Variants in PDGFRL observed in about 807,000 individuals in gnomAD.
PDGFRL encodes the protein platelet derived growth factor receptor like.
A neutral mutation model predicts 37.2 loss-of-function variants in PDGFRL; 46 were observed. That is an observed-to-expected ratio of 1.24 (90% CI 0.98 to 1.58). The LOEUF is 1.58. PDGFRL is among the 40% of genes most tolerant of loss of function. The pLI, the probability that PDGFRL is intolerant of heterozygous loss-of-function variation, is 0.00. For synonymous variants in PDGFRL, 251 were observed against 184.3 expected (o/e 1.36, Z -2.93); for missense variants, 692 against 467.6 (o/e 1.48, Z -4.43).
chr8:17,593,613 T>A lies in PDGFRL; in HGVS notation c.353+3848T>A, dbSNP rs1182521257. ...GACTGTTTCAAAAAAAAAAAAAAAA[T>A]TCTTGGCATAGTGACTCATGCCTGT... On this transcript the variant is annotated intron_variant, in intron 2 of 5. Coordinates refer to ENST00000251630, the MANE Select transcript of PDGFRL (RefSeq NM_001372073.1). 1.9e-4 allele frequency among the ~76,000 whole-genome samples: 26 copies of A among 139,258 alleles called. No individual in the cohort carries two copies. The East Asian group carries it at 5.6e-3, about 30-fold the overall frequency. 91.4% of individuals were successfully genotyped at this position (139,258 alleles called of 152,430 possible).
chr8:17,628,542 C>T lies in PDGFRL; in HGVS notation c.561C>T (p.Asn187=), dbSNP rs757618037. 4 of 1,613,788 alleles carry T rather than the reference C, an allele frequency of 2.5e-6. No homozygotes were observed. The highest frequency in any genetic ancestry group is 2.2e-5 in the South Asian group (2 of 91,076). ...SPSYFDVVYL[N]PDRQAVVPCR... ...GCTACTTCGATGTTGTCTACTTGAA[C>T]CCGGACAGACAGGCTGTGGTTCCTT... Residue 187 remains asparagine, a synonymous_variant, in exon 4 of 6, where the codon AAC becomes AAT. Transcript: ENST00000251630.
chr8:17,628,028 C>T (rs1217179242), intron 3 of PDGFRL, among the ~76,000 whole-genome samples: 1 of 117,036 alleles, frequency 8.5e-6, no homozygotes, highest in Admixed American at 1.2e-4. Flanking sequence ...GAGTCTGGCT[C>T]TGTCGCCCAG....
chr8:17,622,358 C>A (rs957017169), intron 3 of PDGFRL, among the ~76,000 whole-genome samples: 7 of 152,146 alleles, frequency 4.6e-5, no homozygotes, highest in African/African-American at 7.2e-5. Flanking sequence ...TGGGCAGGGA[C>A]TTTCATGAAA....
chr8:17,613,626 C>G (rs1400953319), intron 2 of PDGFRL, among the ~76,000 whole-genome samples: 2 of 152,160 alleles, frequency 1.3e-5, no homozygotes, highest in African/African-American at 2.4e-5. Flanking sequence ...GCCTGTAATC[C>G]CAGCACTTTG....
intron 4 of PDGFRL, among the ~76,000 whole-genome samples, 182 bp downstream of exon 4, chr8:17,628,962 G>T (rs1804798374): frequency 6.6e-6 from 1 of 151,952 alleles, no homozygotes; most frequent in South Asian, 2.1e-4. Context: ...TGTTGCCCAG[G>T]CTGGAATGCA....
chr8:17,579,180 A>C (rs1803653864), intron 1 of PDGFRL, among the ~76,000 whole-genome samples: 1 of 152,212 alleles, frequency 6.6e-6, no homozygotes, highest in Admixed American at 6.5e-5. Context: ...TGGGCGACAA[A>C]GTGAGACTCC....
Position 17,598,821 on chromosome 8 carries a change from G to A in PDGFRL, c.353+9056G>A, listed in dbSNP as rs761958818. ...ATACTGTTCTCATGGTAGTTAATAC[G>A]TCTCACGAGATCACATGGTTTTCTA... On this transcript the variant is annotated intron_variant, in intron 2 of 5. Coordinates refer to ENST00000251630, the MANE Select transcript of PDGFRL (RefSeq NM_001372073.1). 5.9e-5 allele frequency among the ~76,000 whole-genome samples: 9 copies of A among 152,174 alleles called. No individual in the cohort carries two copies. In the South Asian group the frequency reaches 8.3e-4, roughly 14 times the overall value.
At chr8:17,590,206 G>A (rs543536904) in intron 2 of PDGFRL, among the ~76,000 whole-genome samples, 5 of 89,642 alleles carry the variant, frequency 5.6e-5, no homozygotes, top group African/African-American at 1.7e-4. Context: ...ACTCCATCCA[G>A]CCTGGGTGAC....
chr8:17,624,801 G>A (rs1804700347), intron 3 of PDGFRL, among the ~76,000 whole-genome samples: 2 of 152,164 alleles, frequency 1.3e-5, no homozygotes, highest in East Asian at 1.9e-4. Context: ...CCAGCTACTC[G>A]GGAGGCTGAG....
intron 2 of PDGFRL, chr8:17,596,367 C>T (rs551071687): frequency 2.5e-5 from 31 of 1,216,440 alleles, no homozygotes; most frequent in East Asian, 1.5e-4. Context: ...CCCGCAGGAC[C>T]GGCCCTGCCT....
chr8:17,586,251 G>T (rs374886176), intron 1 of PDGFRL, among the ~76,000 whole-genome samples: 61 of 152,302 alleles, frequency 4.0e-4, no homozygotes, highest in African/African-American at 1.3e-3. Context: ...GCTGCACCCA[G>T]CTGGAGATGA....
At chr8:17,601,382 ACT>A (rs1218665946) in intron 2 of PDGFRL, among the ~76,000 whole-genome samples, 1 of 151,860 alleles carries the variant, frequency 6.6e-6, no homozygotes, top group African/African-American at 2.4e-5. Context: ...GTGACCTGAG[ACT>A]CTGGGAGCAA....
At position 17,593,366 on chromosome 8, in the gene PDGFRL, C is replaced by T. The variant is rs190017579; in HGVS notation, c.353+3601C>T. ...CAGCACTTTGGGAGGCCAAGGTGGG[C>T]GGATCACTTGAACCCAGGAGTTCAA... On this transcript the variant is annotated intron_variant, in intron 2 of 5. Coordinates refer to ENST00000251630, the MANE Select transcript of PDGFRL (RefSeq NM_001372073.1). Among the ~76,000 whole-genome samples the T allele has an allele frequency of 3.0e-3, 453 of 151,684 alleles. 4 individuals carry two copies. Among genetic ancestry groups the T allele is most frequent in the African/African-American group, 0.011 (440 of 41,326 alleles).
At chr8:17,611,762 T>C (rs1446406299) in intron 2 of PDGFRL, among the ~76,000 whole-genome samples, 1 of 152,160 alleles carries the variant, frequency 6.6e-6, no homozygotes, top group Non-Finnish European at 1.5e-5. Flanking sequence ...GATAAAATGA[T>C]TTTCAGGAAA....
chr8:17,600,514 T>G (rs1423733247), intron 2 of PDGFRL, among the ~76,000 whole-genome samples: 2 of 152,038 alleles, frequency 1.3e-5, no homozygotes, highest in Non-Finnish European at 2.9e-5. Flanking sequence ...GCTTGGATCT[T>G]TCATGAGCTT....
intron 2 of PDGFRL, among the ~76,000 whole-genome samples, chr8:17,606,766 C>A (rs1043990078): frequency 6.6e-6 from 1 of 151,912 alleles, no homozygotes; most frequent in Non-Finnish European, 1.5e-5. Flanking sequence ...AGAATGAGGT[C>A]ATGCGTGTAA....
At chr8:17,631,173 T>C (rs1003547913) in intron 4 of PDGFRL, among the ~76,000 whole-genome samples, 2 of 152,156 alleles carry the variant, frequency 1.3e-5, no homozygotes, top group African/African-American at 4.8e-5. Flanking sequence ...AGCAGTTCTC[T>C]GAGGCCGCTC....
rs142392087 is a variant in PDGFRL at position 17,621,157 on chromosome 8, A to C, written c.460A>C (p.Arg154=). The C allele has an allele frequency of 2.5e-6, 4 of 1,611,558 alleles. No homozygotes were observed. The African/African-American group carries it at 5.3e-5, about 22-fold the overall frequency. Reference sequence around the variant, plus strand: ...GCAGCTCTGCAGCGGCTACATCTGCAGGAAGGACGAGGCCAAAACGGGCTC... The same window carrying C: ...GCAGCTCTGCAGCGGCTACATCTGCCGGAAGGACGAGGCCAAAACGGGCTC... ...WVQLCSGYIC[R]KDEAKTGSTY... is the part of the protein sequence containing the mutation. Residue 154 remains arginine, a synonymous_variant, in exon 3 of 6, where the codon AGG becomes CGG. Coordinates refer to ENST00000251630, the MANE Select transcript of PDGFRL (RefSeq NM_001372073.1).
upstream of PDGFRL, chr8:17,576,999 A>G (rs1257770354): frequency 1.8e-6 from 1 of 561,520 alleles, no homozygotes; most frequent in African/African-American, 2.0e-5. Flanking sequence ...TTTCACGCTT[A>G]GCCTTTCCTC....
Sources: gnomAD v4.1 joint callset for allele counts (sites outside exome capture counted in the v4.1 genomes callset) on GRCh38, gnomAD v4.1.1 for gene constraint, MANE v1.5 for transcripts, NCBI Gene and HGNC (gene_info 2026-07-23, HGNC 2026-07-21) for gene names.